Variants in CSMD3 observed in about 807,000 individuals in gnomAD.
CSMD3 encodes CUB and sushi domain-containing protein 3.
In CSMD3, 177 loss-of-function variants were observed where a neutral mutation model predicts 435.2. The observed-to-expected ratio is 0.41, with a 90% CI of 0.36 to 0.46. The LOEUF is 0.46. Among genes scored for constraint, CSMD3 ranks in the 20% least tolerant of loss-of-function variants. The pLI is 0.34. For synonymous variants in CSMD3, 1,656 were observed against 1,520.5 expected (o/e 1.09, Z -2.07); for missense variants, 4,265 against 4,504.6 (o/e 0.95, Z 1.52).
At chr8:113,201,369 G>C (rs571463835) in intron 3 of CSMD3, among the ~76,000 whole-genome samples, 1 of 151,952 alleles carries the variant, frequency 6.6e-6, no homozygotes, top group Non-Finnish European at 1.5e-5. Flanking sequence ...ATTGAAATTA[G>C]TCATAACAAA....
intron 56 of CSMD3, 41 bp downstream of exon 56, chr8:112,291,469 C>T (rs2130674833): frequency 7.6e-7 from 1 of 1,317,062 alleles, no homozygotes; most frequent in Admixed American, 1.7e-5. Flanking sequence ...CTATGGTTTC[C>T]ATGACATGTT....
At chr8:113,337,510 T>C (rs1372882326) in intron 1 of CSMD3, among the ~76,000 whole-genome samples, 1 of 152,112 alleles carries the variant, frequency 6.6e-6, no homozygotes, top group Non-Finnish European at 1.5e-5. Flanking sequence ...AGAACAAATA[T>C]ATAGCTAACA....
At chr8:112,542,520 G>C (rs996140055) in intron 27 of CSMD3, among the ~76,000 whole-genome samples, 1 of 151,670 alleles carries the variant, frequency 6.6e-6, no homozygotes. Flanking sequence ...CACTAACAAC[G>C]AACTATCTGA....
chr8:112,449,774 G>A (rs902782326), intron 32 of CSMD3, among the ~76,000 whole-genome samples: 1 of 152,214 alleles, frequency 6.6e-6, no homozygotes, highest in African/African-American at 2.4e-5. Flanking sequence ...ACAGGCTGGA[G>A]TGCAGTGGCA....
chr8:112,602,619 C>T (rs993674797), intron 22 of CSMD3, among the ~76,000 whole-genome samples: 1 of 151,094 alleles, frequency 6.6e-6, no homozygotes, highest in African/African-American at 2.4e-5. Flanking sequence ...CTTTTGACTT[C>T]CCCAAAACTT....
intron 13 of CSMD3, among the ~76,000 whole-genome samples, chr8:112,752,193 A>G (rs2077585778): frequency 6.6e-6 from 1 of 152,086 alleles, no homozygotes; most frequent in Admixed American, 6.6e-5. Flanking sequence ...CTTTCTTCAT[A>G]AGGCTTCCAG....
At chr8:112,699,877 G>C (rs528252429) in intron 13 of CSMD3, among the ~76,000 whole-genome samples, 1 of 152,262 alleles carries the variant, frequency 6.6e-6, no homozygotes, top group East Asian at 1.9e-4. Context: ...AACTCATCCA[G>C]ATTGAAGGAA....
intron 59 of CSMD3, among the ~76,000 whole-genome samples, chr8:112,279,869 A>G (rs1277812640): frequency 2.0e-5 from 3 of 152,180 alleles, no homozygotes; most frequent in African/African-American, 7.2e-5. Flanking sequence ...CTTCCCAAGC[A>G]TAGTTTGTTT....
intron 59 of CSMD3, among the ~76,000 whole-genome samples, chr8:112,266,006 G>A (rs1416120697): frequency 1.3e-5 from 2 of 152,026 alleles, no homozygotes; most frequent in Admixed American, 6.6e-5. Flanking sequence ...TGGATGGAGA[G>A]CATATTTTCT....
At chr8:113,079,624 T>A (rs2089476423) in intron 5 of CSMD3, among the ~76,000 whole-genome samples, 1 of 152,224 alleles carries the variant, frequency 6.6e-6, no homozygotes, top group Non-Finnish European at 1.5e-5. Flanking sequence ...TTGTAGAAAC[T>A]TAGATCAGGA....
chr8:112,985,302 G>A (rs73347961), intron 6 of CSMD3, among the ~76,000 whole-genome samples: 9,701 of 151,914 alleles, frequency 0.064, 330 homozygotes, highest in African/African-American at 0.072. Context: ...GGTGCGGTAG[G>A]GGAAAAGGCA....
Position 112,854,603 on chromosome 8 carries a change from A to G in CSMD3, c.1755+4542T>C, listed in dbSNP as rs150875585. Among the ~76,000 whole-genome samples, 504 of 152,326 alleles carry G rather than the reference A, an allele frequency of 3.3e-3. 4 individuals are homozygous for G. Among genetic ancestry groups the G allele is most frequent in the African/African-American group, 0.011 (438 of 41,572 alleles). ...CAAATTTAATTATGCAAGTTACCTA[A>G]TTAGAATGTAATCTGAACTTACAGA... On this transcript the variant is annotated intron_variant, in intron 11 of 70. Transcript: ENST00000297405.
At chr8:112,294,739 C>G (rs1300496688) in intron 54 of CSMD3, among the ~76,000 whole-genome samples, 1 of 152,108 alleles carries the variant, frequency 6.6e-6, no homozygotes, top group African/African-American at 2.4e-5. Flanking sequence ...TCTGTGAATT[C>G]ATATCTAATC....
chr8:112,669,801 G>A (rs2075614445), intron 16 of CSMD3, among the ~76,000 whole-genome samples: 1 of 152,010 alleles, frequency 6.6e-6, no homozygotes, highest in Non-Finnish European at 1.5e-5. Context: ...TCTGTGTCAG[G>A]CACCCTCAGA....
chr8:113,257,071 G>T (rs1183582386), intron 3 of CSMD3, among the ~76,000 whole-genome samples: 2 of 152,072 alleles, frequency 1.3e-5, no homozygotes, highest in Non-Finnish European at 2.9e-5. Context: ...ACTACCATGG[G>T]CTGGTTAAGT....
At chr8:113,400,938 G>GT (rs1283573179) in intron 1 of CSMD3, among the ~76,000 whole-genome samples, 1 of 151,778 alleles carries the variant, frequency 6.6e-6, no homozygotes, top group African/African-American at 2.4e-5. Flanking sequence ...TGTTCTGTCA[G>GT]TTAAAAGGTA....
intron 36 of CSMD3, among the ~76,000 whole-genome samples, chr8:112,388,027 C>A (rs1830122173): frequency 6.6e-6 from 1 of 152,074 alleles, no homozygotes; most frequent in African/African-American, 2.4e-5. Context: ...GTCTCAAGTT[C>A]ATGGAAGGTC....
rs1432512393 is a variant in CSMD3 at position 112,230,431 on chromosome 8, T to C, written c.10828+1114A>G. On this transcript the variant is annotated intron_variant, in intron 69 of 70. Transcript: ENST00000297405. ...GTCCAGGTTAAAGAAAATTAGTATC[T>C]TATTTTTTACCTTATTTTTCCTGTG... Among the ~76,000 whole-genome samples, 4 of 152,344 alleles carry C rather than the reference T, an allele frequency of 2.6e-5. No individual in the cohort carries two copies. In the South Asian group the frequency reaches 8.3e-4, roughly 32 times the overall value.
At chr8:112,462,680 T>TATATA (rs59427134) in intron 32 of CSMD3, among the ~76,000 whole-genome samples, 49,768 of 151,796 alleles carry the variant, frequency 0.33, 8,384 homozygotes, top group East Asian at 0.49. Context: ...TATATGACTA[T>TATATA]ATATATGATA....
Sources: allele counts gnomAD v4.1 joint callset (sites outside exome capture counted in the v4.1 genomes callset), GRCh38; gene constraint gnomAD v4.1.1; transcripts MANE v1.5; gene names NCBI Gene and HGNC (gene_info 2026-07-23, HGNC 2026-07-21).